FAM184B: variants seen among roughly 807,000 people sequenced by gnomAD.
FAM184B encodes family with sequence similarity 184 member B.
A neutral mutation model predicts 135.9 loss-of-function variants in FAM184B; 111 were observed. The ratio of observed to expected loss-of-function variants is 0.82; its 90% CI spans 0.70 to 0.96. The LOEUF (loss-of-function observed/expected upper bound fraction) is 0.96. FAM184B is among the 40% of genes least tolerant of loss of function. FAM184B has a pLI of 0.00. For synonymous variants in FAM184B, 552 were observed against 524.8 expected (o/e 1.05, Z -0.71); for missense variants, 1,375 against 1,323.9 (o/e 1.04, Z -0.60).
intron 14 of FAM184B, among the ~76,000 whole-genome samples, chr4:17,637,272 C>T (rs552718291): frequency 5.9e-5 from 9 of 152,328 alleles, no homozygotes; most frequent in African/African-American, 2.2e-4. Context: ...CGTGATCCGC[C>T]CTCCTGGGCC....
Position 17,647,644 on chromosome 4 carries a change from G to T in FAM184B, c.2339C>A (p.Ala780Asp), listed in dbSNP as rs1323422410. 8.4e-6 allele frequency: 13 copies of T among 1,549,824 alleles called. No homozygotes were observed. The highest frequency in any genetic ancestry group is 1.0e-5 in the Non-Finnish European group (12 of 1,146,636). Reference sequence around the variant, plus strand: ...AAGGGCGGGGGCACTGACCTCTGTGGCGATTATGTGATCCTTGCTGTCTCC... The same window carrying T: ...AAGGGCGGGGGCACTGACCTCTGTGTCGATTATGTGATCCTTGCTGTCTCC... ...CPGDSKDHII[A>D]TEERGGPGQA... The change falls in exon 12 of 18, where the codon GCC becomes GAC. Residue 780 changes from alanine to aspartate, a missense_variant. By Grantham distance (126) the Ala-to-Asp change is moderately radical. Transcript: ENST00000265018.
At chr4:17,634,280 A>G (rs1715058214) in intron 16 of FAM184B, among the ~76,000 whole-genome samples, 1 of 152,206 alleles carries the variant, frequency 6.6e-6, no homozygotes, top group Non-Finnish European at 1.5e-5. Flanking sequence ...ACGAGATGAC[A>G]TTAGTTAAGT....
rs71167327 is a variant in FAM184B, at chr4:17,708,714, CTGTG to C, written c.894+174_894+177del. On this transcript the variant is annotated intron_variant, in intron 2 of 17. Transcript: ENST00000265018. ...ATATATATATATATATATATAGTGT[CTGTG>C]TGTGTGTGTGTGTGTGTGTGTGTGT... Among the ~76,000 whole-genome samples, 373 of 57,046 alleles carry C rather than the reference CTGTG, an allele frequency of 6.5e-3. 2 individuals are homozygous for C. Among genetic ancestry groups the C allele is most frequent in the Non-Finnish European group, 7.9e-3 (253 of 32,224 alleles). The allele number at this position is 57,046 out of a possible 152,430, so 37.4% of individuals were successfully genotyped here.
At chr4:17,672,032 A>G (rs1465048501) in intron 7 of FAM184B, among the ~76,000 whole-genome samples, 2 of 152,162 alleles carry the variant, frequency 1.3e-5, no homozygotes, top group African/African-American at 2.4e-5. Context: ...GGAAAAGGAA[A>G]TAAGCATGCA....
chr4:17,651,596 G>A (rs1238646165), intron 11 of FAM184B, among the ~76,000 whole-genome samples: 1 of 147,602 alleles, frequency 6.8e-6, no homozygotes, highest in Non-Finnish European at 1.5e-5. Flanking sequence ...TAATGTAACA[G>A]GGAACACTTA....
chr4:17,742,070 A>G (rs1351998781), intron 1 of FAM184B, among the ~76,000 whole-genome samples: 2 of 151,288 alleles, frequency 1.3e-5, no homozygotes, highest in Non-Finnish European at 2.9e-5. Context: ...TTAAAAATTT[A>G]CCAAGAGGGT....
chr4:17,666,963 G>GT (rs1169305740), intron 7 of FAM184B, among the ~76,000 whole-genome samples: 2 of 149,952 alleles, frequency 1.3e-5, no homozygotes, highest in African/African-American at 4.9e-5. Context: ...TTGTTTTTTT[G>GT]TTTTTTGTTT....
chr4:17,661,096 C>T (rs185117162), intron 8 of FAM184B, among the ~76,000 whole-genome samples: 3 of 152,284 alleles, frequency 2.0e-5, no homozygotes, highest in Non-Finnish European at 4.4e-5. Flanking sequence ...AGCTCTACAA[C>T]CCACTCAATA....
At position 17,685,925 on chromosome 4, in the gene FAM184B, C is replaced by T. The variant is rs558943965; in HGVS notation, c.1596+2499G>A. On this transcript the variant is annotated intron_variant, in intron 7 of 17. Coordinates refer to ENST00000265018, the MANE Select transcript of FAM184B (RefSeq NM_015688.2). Reference sequence around the variant, plus strand: ...CTCAGGTCATCAGCCCTGGAACATACCTAGAATTTCTATGTGTTTATTTCC... The same window carrying T: ...CTCAGGTCATCAGCCCTGGAACATATCTAGAATTTCTATGTGTTTATTTCC... Among the ~76,000 whole-genome samples the T allele has an allele frequency of 1.2e-3, 178 of 152,238 alleles. 1 individual carries two copies. Among genetic ancestry groups the T allele is most frequent in the African/African-American group, 3.8e-3 (159 of 41,536 alleles).
At position 17,708,944 on chromosome 4, in the gene FAM184B, C is replaced by A. The variant is rs981239837; in HGVS notation, c.842G>T (p.Arg281Leu). The A allele has an allele frequency of 6.5e-7, 1 of 1,546,410 alleles. No homozygotes were observed. The highest frequency in any genetic ancestry group is 1.4e-5 in the African/African-American group (1 of 72,942). ...GTACTTCTTCAGGTCACTTATCTTG[C>A]GGCCTCTGTGCTCCAGGTCTCCTTC... ...KLEGDLEHRG[R>L]KISDLKKYAQ... Residue 281 changes from arginine (R) to leucine (L), a missense_variant, in exon 2 of 18, where the codon CGC (arginine) becomes CTC (leucine). By Grantham distance (102) the Arg-to-Leu change is moderately radical. Transcript: ENST00000265018.
In FAM184B at chr4:17,659,945, A is replaced by T. The variant is rs1164328152; in HGVS notation, c.1824+13T>A. ...CTCAGGAAGGGGGCACATCCCCACC[A>T]GGGTTGTCCTACCTGGGCTTGCAAT... is the stretch of plus-strand genomic sequence containing the variant. On this transcript the variant is annotated intron_variant, in intron 9 of 17. Coordinates refer to ENST00000265018, the MANE Select transcript of FAM184B (RefSeq NM_015688.2). The T allele has an allele frequency of 9.7e-6, 15 of 1,550,012 alleles. No individual in the cohort carries two copies. Among genetic ancestry groups the T allele is most frequent in the Non-Finnish European group, 1.3e-5 (15 of 1,146,836 alleles).
intron 7 of FAM184B, among the ~76,000 whole-genome samples, chr4:17,686,171 C>A (rs774635751): frequency 1.3e-5 from 2 of 152,216 alleles, no homozygotes; most frequent in Non-Finnish European, 2.9e-5. Flanking sequence ...GCAGCTGTCT[C>A]TGGGGCCAAA....
At chr4:17,697,376 T>A (rs1017988818) in intron 5 of FAM184B, among the ~76,000 whole-genome samples, 7 of 151,430 alleles carry the variant, frequency 4.6e-5, no homozygotes, top group Non-Finnish European at 1.0e-4. Flanking sequence ...GCCCTTAGCA[T>A]TTTTCCTGGG....
At position 17,708,947 on chromosome 4, in the gene FAM184B, C is replaced by T; in HGVS notation, c.839G>A (p.Gly280Asp). ...CTTCTTCAGGTCACTTATCTTGCGG[C>T]CTCTGTGCTCCAGGTCTCCTTCCAG... ...RKLEGDLEHR[G>D]RKISDLKKYA... Residue 280 changes from glycine (G) to aspartate (D), a missense_variant, in exon 2 of 18, where the codon GGC becomes GAC. By Grantham distance (94) the Gly-to-Asp change is moderately conservative. Coordinates refer to ENST00000265018, the MANE Select transcript of FAM184B (RefSeq NM_015688.2). The T allele has an allele frequency of 6.5e-7, 1 of 1,548,194 alleles. No homozygotes were observed. The highest frequency in any genetic ancestry group is 8.7e-7 in the Non-Finnish European group (1 of 1,145,456).
In FAM184B at chr4:17,658,544, C is replaced by T; in HGVS notation, c.1843G>A (p.Ala615Thr). The T allele has an allele frequency of 6.4e-7, 1 of 1,551,116 alleles. No homozygotes were observed. Among genetic ancestry groups the T allele is most frequent in the Non-Finnish European group, 8.7e-7 (1 of 1,146,964 alleles). The change falls in exon 10 of 18, where the codon GCT becomes ACT. Residue 615 changes from alanine to threonine, a missense_variant. Ala to Thr is a moderately conservative substitution (Grantham distance 58). Transcript: ENST00000265018. ...LQAQVSQMQQALEQCTSNYRE... is the reference protein window; with the variant it reads ...LQAQVSQMQQTLEQCTSNYRE... ...TAGTTGCTGGTGCACTGCTCCAGAG[C>T]CTGCTGCATCTGTGAGACCTGCGCA...
intron 1 of FAM184B, among the ~76,000 whole-genome samples, chr4:17,764,087 C>G (rs16895671): frequency 0.012 from 1,751 of 152,208 alleles, 28 homozygotes; most frequent in African/African-American, 0.04. Context: ...CAGCAGCATT[C>G]AAAACTAGAC....
chr4:17,707,545 C>A, intron 3 of FAM184B, 104 bp downstream of exon 3: 1 of 1,443,700 alleles, frequency 6.9e-7, no homozygotes, highest in South Asian at 1.4e-5. Context: ...AGCAGCCCTG[C>A]CCCTCCTCTC....
chr4:17,747,022 G>A (rs1008191517), intron 1 of FAM184B, among the ~76,000 whole-genome samples: 1 of 144,218 alleles, frequency 6.9e-6, no homozygotes, highest in African/African-American at 2.6e-5. Context: ...TCCAGCCTGA[G>A]TGACAGAATG....
At chr4:17,702,863 G>A (rs1227512501) in intron 5 of FAM184B, among the ~76,000 whole-genome samples, 6 of 152,170 alleles carry the variant, frequency 3.9e-5, no homozygotes, top group Non-Finnish European at 8.8e-5. Flanking sequence ...GGGATGGAAA[G>A]AGTGTCCATC....
Sources: allele counts gnomAD v4.1 joint callset (sites outside exome capture counted in the v4.1 genomes callset), GRCh38; gene constraint gnomAD v4.1.1; transcripts MANE v1.5; gene names NCBI Gene and HGNC (gene_info 2026-07-23, HGNC 2026-07-21).